ERC1: variants seen among roughly 807,000 people sequenced by gnomAD.
The protein encoded by ERC1 is RAB6 interacting protein 2.
ERC1 carries 56 observed loss-of-function variants against 132.0 expected under a neutral mutation model. That is an observed-to-expected ratio of 0.42 (90% CI 0.34 to 0.53). The LOEUF (loss-of-function observed/expected upper bound fraction) is 0.53, where lower values mean the gene tolerates loss of function less well. Among genes scored for constraint, ERC1 ranks in the 20% least tolerant of loss-of-function variants. ERC1 has a pLI of 0.03. For missense variants in ERC1, 1,202 were observed against 1,349.9 expected, an observed-to-expected ratio of 0.89 and a Z score of 1.72; for synonymous variants, 478 against 476.1, an observed-to-expected ratio of 1.00 and a Z score of -0.05.
At chr12:1,476,694 G>T (rs752879339) in intron 18 of ERC1, among the ~76,000 whole-genome samples, 2 of 152,118 alleles carry the variant, frequency 1.3e-5, no homozygotes, top group African/African-American at 2.4e-5. Flanking sequence ...CTGAATATCA[G>T]TACAGCTATT....
At chr12:1,122,469 ATCTGTG>A (rs1293988402) in intron 7 of ERC1, among the ~76,000 whole-genome samples, 1 of 38,308 alleles carries the variant, frequency 2.6e-5, no homozygotes, top group African/African-American at 1.5e-4. Flanking sequence ...CTCTATCTCT[ATCTGTG>A]TCTCTATCTC....
At chr12:1,320,064 T>C (rs1437541999) in intron 15 of ERC1, among the ~76,000 whole-genome samples, 1 of 152,228 alleles carries the variant, frequency 6.6e-6, no homozygotes, top group Non-Finnish European at 1.5e-5. Context: ...TAACAAGTGC[T>C]TTGTGTTCCA....
chr12:1,158,796 C>A (rs902122915), intron 8 of ERC1, among the ~76,000 whole-genome samples: 23 of 151,900 alleles, frequency 1.5e-4, no homozygotes, highest in African/African-American at 5.1e-4. Flanking sequence ...CCAGGAACTT[C>A]TTTGAATTGT....
chr12:1,407,667 T>C (rs2091589515), intron 16 of ERC1, among the ~76,000 whole-genome samples: 1 of 152,242 alleles, frequency 6.6e-6, no homozygotes, highest in Non-Finnish European at 1.5e-5. Context: ...CTGGATAGCT[T>C]AATCAAACAG....
chr12:1,267,036 C>G (rs2154328570), intron 14 of ERC1, among the ~76,000 whole-genome samples: 1 of 152,362 alleles, frequency 6.6e-6, no homozygotes, highest in East Asian at 1.9e-4. Context: ...GAAAACATCT[C>G]TTGATGCCTT....
At chr12:1,032,291 C>T (rs993845447) in intron 2 of ERC1, among the ~76,000 whole-genome samples, 2 of 152,260 alleles carry the variant, frequency 1.3e-5, no homozygotes, top group Admixed American at 1.3e-4. Flanking sequence ...CCTCGTGATC[C>T]GCCTGCCTTG....
chr12:1,379,146 C>T (rs1484951737), intron 16 of ERC1, among the ~76,000 whole-genome samples: 1 of 152,190 alleles, frequency 6.6e-6, no homozygotes, highest in Non-Finnish European at 1.5e-5. Context: ...GCTAAGCTGT[C>T]TTTGGGGTGG....
intron 2 of ERC1, among the ~76,000 whole-genome samples, chr12:1,050,102 C>T (rs146273953): frequency 7.6e-4 from 115 of 152,178 alleles, no homozygotes; most frequent in African/African-American, 2.7e-3. Flanking sequence ...GGATGTGGGA[C>T]AAGAGGTTGT....
At chr12:1,461,359 C>T (rs1330971770) in intron 18 of ERC1, among the ~76,000 whole-genome samples, 3 of 152,110 alleles carry the variant, frequency 2.0e-5, no homozygotes, top group Non-Finnish European at 2.9e-5. Flanking sequence ...ATAAAGCCAA[C>T]GTTTTTGGCT....
intron 17 of ERC1, among the ~76,000 whole-genome samples, chr12:1,425,449 C>T (rs1012965991): frequency 6.6e-6 from 1 of 152,208 alleles, no homozygotes; most frequent in South Asian, 2.1e-4. Context: ...AGCCCAAATT[C>T]CTGAATCTCT....
intron 17 of ERC1, among the ~76,000 whole-genome samples, chr12:1,413,311 G>C (rs781287099): frequency 5.3e-5 from 8 of 152,054 alleles, no homozygotes; most frequent in Non-Finnish European, 1.0e-4. Context: ...ATCCATGTGA[G>C]GGCCAGACTC....
intron 16 of ERC1, among the ~76,000 whole-genome samples, chr12:1,398,534 T>C (rs544086142): frequency 2.6e-5 from 4 of 152,288 alleles, no homozygotes; most frequent in African/African-American, 9.6e-5. Context: ...CCAATAATTT[T>C]CTCCCTTTTA....
At chr12:1,372,387 C>T (rs1450973310) in intron 16 of ERC1, among the ~76,000 whole-genome samples, 1 of 151,928 alleles carries the variant, frequency 6.6e-6, no homozygotes, top group African/African-American at 2.4e-5. Flanking sequence ...AAGATAAGAA[C>T]AAAGGTTGGC....
intron 13 of ERC1, among the ~76,000 whole-genome samples, chr12:1,253,980 C>A (rs1246073251): frequency 6.6e-6 from 1 of 152,184 alleles, no homozygotes; most frequent in African/African-American, 2.4e-5. Flanking sequence ...TCACACAAAC[C>A]TCCTGCCGTG....
chr12:1,227,802 T>C (rs934909594), intron 12 of ERC1, among the ~76,000 whole-genome samples: 1 of 152,230 alleles, frequency 6.6e-6, no homozygotes, highest in Non-Finnish European at 1.5e-5. Flanking sequence ...TATGTTTAAG[T>C]CTAATCCATT....
intron 15 of ERC1, among the ~76,000 whole-genome samples, chr12:1,336,264 T>C (rs1290575745): frequency 6.6e-6 from 1 of 152,172 alleles, no homozygotes; most frequent in Admixed American, 6.5e-5. Flanking sequence ...AGTTCACCTC[T>C]AATTTTTATT....
intron 16 of ERC1, among the ~76,000 whole-genome samples, chr12:1,375,842 A>G (rs1591618215): frequency 6.7e-6 from 1 of 149,964 alleles, no homozygotes; most frequent in African/African-American, 2.5e-5. Context: ...GGTTGAAGCA[A>G]TTCTCTGCCT....
At chr12:1,198,087 A>G in intron 12 of ERC1, among the ~76,000 whole-genome samples, 1 of 151,914 alleles carries the variant, frequency 6.6e-6, no homozygotes, top group East Asian at 1.9e-4. Context: ...CACCATGCCC[A>G]ACTAATTTTT....
chr12:1,249,854 G>T (rs1322722601), intron 13 of ERC1, among the ~76,000 whole-genome samples: 4 of 152,172 alleles, frequency 2.6e-5, no homozygotes, highest in Non-Finnish European at 5.9e-5. Flanking sequence ...CCTTCTTGTT[G>T]TGTCCTCACA....
Sources: allele counts gnomAD v4.1 joint callset (sites outside exome capture counted in the v4.1 genomes callset), GRCh38; gene constraint gnomAD v4.1.1; transcripts MANE v1.5; gene names NCBI Gene and HGNC (gene_info 2026-07-23, HGNC 2026-07-21).